The following PLCB1 variants were observed in gnomAD, a reference collection of about 807,000 sequenced individuals.
The protein encoded by PLCB1 is phospholipase C beta 1, also known as 1-phosphatidylinositol 4,5-bisphosphate phosphodiesterase beta-1.
In PLCB1, 46 loss-of-function variants were observed where a neutral mutation model predicts 161.8. The ratio of observed to expected loss-of-function variants is 0.28; its 90% CI spans 0.22 to 0.36. The LOEUF (loss-of-function observed/expected upper bound fraction) is 0.36, where lower values mean the gene tolerates loss of function less well. Among genes scored for constraint, PLCB1 ranks in the 10% least tolerant of loss-of-function variants. The pLI, the probability that PLCB1 is intolerant of heterozygous loss-of-function variation, is 1.00. For synonymous variants in PLCB1, 517 were observed against 503.7 expected (o/e 1.03, Z -0.35); for missense variants, 1,016 against 1,472.5 (o/e 0.69, Z 5.07).
chr20:8,573,101 G>C (rs1380423136), intron 3 of PLCB1, among the ~76,000 whole-genome samples: 1 of 152,018 alleles, frequency 6.6e-6, no homozygotes, highest in African/African-American at 2.4e-5. Flanking sequence ...GAGGATAGCA[G>C]GAAAGTCCAA....
intron 2 of PLCB1, among the ~76,000 whole-genome samples, chr20:8,235,143 G>C (rs1980254891): frequency 6.6e-6 from 1 of 152,100 alleles, no homozygotes; most frequent in African/African-American, 2.4e-5. Context: ...ATCTTTCAAA[G>C]TATGTGTCTG....
intron 3 of PLCB1, among the ~76,000 whole-genome samples, chr20:8,621,158 A>C (rs997183930): frequency 6.6e-6 from 1 of 152,190 alleles, no homozygotes; most frequent in African/African-American, 2.4e-5. Flanking sequence ...GGGGAATATA[A>C]TGCTTTTCAT....
chr20:8,181,919 T>C (rs765863475), intron 2 of PLCB1, among the ~76,000 whole-genome samples: 9 of 152,064 alleles, frequency 5.9e-5, no homozygotes, highest in Non-Finnish European at 1.3e-4. Flanking sequence ...CAGTGAGCTA[T>C]GATTGTGCCA....
intron 6 of PLCB1, 68 bp from the exon 7 acceptor site, chr20:8,649,306 C>T: frequency 2.2e-6 from 2 of 903,552 alleles, no homozygotes; most frequent in Non-Finnish European, 3.7e-6. Flanking sequence ...TTTGAGTTGG[C>T]ATCATCTGTT....
chr20:8,575,105 G>T (rs1600163575), intron 3 of PLCB1, among the ~76,000 whole-genome samples: 1 of 152,332 alleles, frequency 6.6e-6, no homozygotes, highest in East Asian at 1.9e-4. Flanking sequence ...AGGACATGGA[G>T]GCTCAGTGAT....
chr20:8,200,494 C>G (rs2052081310), intron 2 of PLCB1, among the ~76,000 whole-genome samples: 1 of 151,876 alleles, frequency 6.6e-6, no homozygotes, highest in Non-Finnish European at 1.5e-5. Flanking sequence ...TATGTGCTTT[C>G]AAAATTTTAT....
chr20:8,722,562 T>C, intron 15 of PLCB1, 141 bp downstream of exon 15: 4 of 501,490 alleles, frequency 8.0e-6, no homozygotes, highest in Non-Finnish European at 1.4e-5. Context: ...TTTGAGGCAA[T>C]TAAATGGCTT....
intron 3 of PLCB1, among the ~76,000 whole-genome samples, chr20:8,417,073 ATTTTT>A (rs3031852): frequency 0.017 from 673 of 39,632 alleles, 25 homozygotes; most frequent in African/African-American, 0.065. Context: ...ATATATATAT[ATTTTT>A]TTTTTTTTTT....
At chr20:8,307,560 T>A (rs1234635435) in intron 2 of PLCB1, among the ~76,000 whole-genome samples, 4 of 152,100 alleles carry the variant, frequency 2.6e-5, no homozygotes, top group Non-Finnish European at 5.9e-5. Context: ...GGGTTTTTGG[T>A]GGGTTTTTTA....
intron 31 of PLCB1, among the ~76,000 whole-genome samples, chr20:8,820,452 C>G (rs1406454313): frequency 2.0e-5 from 3 of 152,030 alleles, no homozygotes; most frequent in Non-Finnish European, 1.5e-5. Context: ...TGCCTTCAGA[C>G]AGGCAAATTT....
chr20:8,418,665 TAA>T (rs987247257), intron 3 of PLCB1, among the ~76,000 whole-genome samples: 1 of 152,124 alleles, frequency 6.6e-6, no homozygotes, highest in African/African-American at 2.4e-5. Context: ...TATATTGTAA[TAA>T]AAAATCAAAA....
At chr20:8,404,336 C>A (rs1193229931) in intron 3 of PLCB1, among the ~76,000 whole-genome samples, 1 of 152,114 alleles carries the variant, frequency 6.6e-6, no homozygotes, top group Non-Finnish European at 1.5e-5. Context: ...CACAAAATTC[C>A]TAGGTTCCTT....
intron 2 of PLCB1, among the ~76,000 whole-genome samples, chr20:8,212,463 TC>T (rs1978877588): frequency 6.6e-6 from 1 of 152,070 alleles, no homozygotes; most frequent in African/African-American, 2.4e-5. Context: ...ACAGGAGACT[TC>T]CTCTTTCTGC....
At chr20:8,523,496 C>CTCTCTCTCTCTCTCTCTATATATATATA in intron 3 of PLCB1, among the ~76,000 whole-genome samples, 2 of 51,656 alleles carry the variant, frequency 3.9e-5, no homozygotes, top group South Asian at 6.6e-4. Flanking sequence ...CTCTCTCTCT[C>CTCTCTCTCTCTCTCTCTATATATATATA]TATATATATA....
At chr20:8,310,968 T>G (rs1984372305) in intron 2 of PLCB1, among the ~76,000 whole-genome samples, 1 of 152,224 alleles carries the variant, frequency 6.6e-6, no homozygotes, top group Non-Finnish European at 1.5e-5. Flanking sequence ...GCACCTGGGT[T>G]GATGCCATGT....
chr20:8,846,373 C>G (rs140498661), intron 31 of PLCB1, among the ~76,000 whole-genome samples: 7 of 150,974 alleles, frequency 4.6e-5, no homozygotes, highest in Admixed American at 1.3e-4. Flanking sequence ...GGACACAAAT[C>G]CAAACCATAT....
Position 8,697,792 on chromosome 20 carries a change from T to C in PLCB1, c.1167+9T>C, listed in dbSNP as rs202247297. ...CTGAAATATCTTTCAAGGTAGAGTA[T>C]ATGAATGTTACTAAGAGAGGCAGCT... On this transcript the variant is annotated intron_variant, in intron 11 of 31. Transcript: ENST00000338037. 1.9e-6 allele frequency: 3 copies of C among 1,613,592 alleles called. No homozygotes were observed. The highest frequency in any genetic ancestry group is 1.7e-5 in the Admixed American group (1 of 60,020).
At chr20:8,296,364 A>C (rs943881627) in intron 2 of PLCB1, among the ~76,000 whole-genome samples, 8 of 152,150 alleles carry the variant, frequency 5.3e-5, no homozygotes, top group African/African-American at 1.9e-4. Context: ...TAGAGTCCTC[A>C]CTTCCGTGCT....
chr20:8,732,782 TATAA>T (rs200272844), intron 18 of PLCB1, among the ~76,000 whole-genome samples: 38,295 of 143,516 alleles, frequency 0.27, 5,587 homozygotes, highest in Non-Finnish European at 0.33. Context: ...ATTAGAATAA[TATAA>T]ATAATATATC....
Sources: gnomAD v4.1 joint callset for allele counts (sites outside exome capture counted in the v4.1 genomes callset) on GRCh38, gnomAD v4.1.1 for gene constraint, MANE v1.5 for transcripts, NCBI Gene and HGNC (gene_info 2026-07-23, HGNC 2026-07-21) for gene names.